The following RBFOX1 variants were observed in gnomAD, a reference collection of about 807,000 sequenced individuals.
RBFOX1 encodes the protein RNA binding fox-1 homolog 1, also known as RNA binding protein fox-1 homolog 1.
Under a neutral mutation model 57.7 loss-of-function variants are expected in RBFOX1, and 8 were observed. That is an observed-to-expected ratio of 0.14 (90% CI 0.08 to 0.25). The LOEUF is 0.25. Among genes scored for constraint, RBFOX1 ranks in the 10% least tolerant of loss-of-function variants. The probability of loss-of-function intolerance (pLI) is 1.00; values close to 1 mark genes in which losing one functional copy is unlikely to be tolerated. For missense variants in RBFOX1, 611 were observed against 548.5 expected, an observed-to-expected ratio of 1.11 and a Z score of -1.14; for synonymous variants, 326 against 222.4, an observed-to-expected ratio of 1.47 and a Z score of -4.15.
intron 2 of RBFOX1, among the ~76,000 whole-genome samples, chr16:6,637,879 G>A (rs984106130): frequency 6.6e-6 from 1 of 152,014 alleles, no homozygotes; most frequent in African/African-American, 2.4e-5. Context: ...TTAGAAAAGT[G>A]GAGACAGTGA....
chr16:5,775,188 G>C (rs1212813769), intron 3 of RBFOX1, among the ~76,000 whole-genome samples: 4 of 152,086 alleles, frequency 2.6e-5, no homozygotes, highest in African/African-American at 9.7e-5. Context: ...GGAGCTTTTG[G>C]AATACCCTAA....
In RBFOX1 at chr16:5,790,733, C is replaced by G. The variant is rs78807481; in HGVS notation, c.319-76570C>G. On this transcript the variant is annotated intron_variant, in intron 3 of 19. Transcript: ENST00000641259. ...AGAGATGAGAGTGAGTGTGGAATGC[C>G]TGGTGCTGGGTGCGTGCTCTGCATC... 8.7e-3 allele frequency among the ~76,000 whole-genome samples: 1,326 copies of G among 152,250 alleles called. 19 individuals carry two copies. Among genetic ancestry groups the G allele is most frequent in the African/African-American group, 0.03 (1,230 of 41,548 alleles).
intron 4 of RBFOX1, among the ~76,000 whole-genome samples, chr16:5,877,676 T>C (rs1476088890): frequency 6.6e-6 from 1 of 152,260 alleles, no homozygotes; most frequent in Non-Finnish European, 1.5e-5. Flanking sequence ...TGAGCAGGGC[T>C]ACCCTGAAGG....
chr16:7,373,863 T>C (rs1278641113), intron 4 of RBFOX1, among the ~76,000 whole-genome samples: 1 of 152,150 alleles, frequency 6.6e-6, no homozygotes, highest in Non-Finnish European at 1.5e-5. Flanking sequence ...CAGCTTCTCG[T>C]GAGAGAGAGT....
intron 2 of RBFOX1, among the ~76,000 whole-genome samples, chr16:6,608,959 C>A (rs1003520302): frequency 6.6e-6 from 1 of 152,106 alleles, no homozygotes; most frequent in Non-Finnish European, 1.5e-5. Context: ...ACAGCCTTTT[C>A]CAAGTTCAAA....
chr16:7,160,019 A>C (rs987388445), intron 4 of RBFOX1, among the ~76,000 whole-genome samples: 4 of 152,184 alleles, frequency 2.6e-5, no homozygotes, highest in African/African-American at 9.6e-5. Context: ...TGACATATCT[A>C]AGCATTATCT....
chr16:5,802,799 G>C lies in RBFOX1; in HGVS notation c.319-64504G>C, dbSNP rs1159686788. ...TATTCACTTATATATTGGTTCATTT[G>C]TTCATCCATCTATACACATATGAAT... On this transcript the variant is annotated intron_variant, in intron 3 of 19. Coordinates refer to the RBFOX1 transcript ENST00000641259. Among the ~76,000 whole-genome samples, 6 of 152,030 alleles carry C rather than the reference G, an allele frequency of 3.9e-5. No individual in the cohort carries two copies. The East Asian group carries it at 1.2e-3, about 29-fold the overall frequency.
intron 2 of RBFOX1, among the ~76,000 whole-genome samples, chr16:6,345,486 C>G (rs1198079446): frequency 6.6e-6 from 1 of 152,156 alleles, no homozygotes; most frequent in East Asian, 1.9e-4. Context: ...TAATGGAAAG[C>G]TGCTTCTCCC....
At position 6,094,268 on chromosome 16, in the gene RBFOX1, C is replaced by T. The variant is rs927174435; in HGVS notation, c.-127+74276C>T. On this transcript the variant is annotated intron_variant, in intron 1 of 15. Transcript: ENST00000550418. The stretch of plus-strand genomic sequence containing the variant: ...TCCTTGCATTTTATCATTCCCTGAG[C>T]CACCGTTCCAAAGGAAGAGAGACCA... 4.6e-5 allele frequency among the ~76,000 whole-genome samples: 7 copies of T among 152,268 alleles called. No individual in the cohort carries two copies. In the East Asian group the frequency reaches 5.8e-4, roughly 13 times the overall value.
chr16:5,495,512 A>T (rs1248191341), intron 2 of RBFOX1, among the ~76,000 whole-genome samples: 2 of 152,214 alleles, frequency 1.3e-5, no homozygotes, highest in African/African-American at 4.8e-5. Context: ...TGGTGGGATC[A>T]CAGAGCCAAT....
chr16:6,506,272 T>C (rs565472553), intron 2 of RBFOX1, among the ~76,000 whole-genome samples: 3 of 151,448 alleles, frequency 2.0e-5, no homozygotes, highest in East Asian at 2.0e-4. Context: ...GGGGAGAGAA[T>C]AGAGTGGGGA....
intron 4 of RBFOX1, among the ~76,000 whole-genome samples, chr16:7,294,262 C>G (rs1206817293): frequency 1.3e-5 from 2 of 152,084 alleles, no homozygotes; most frequent in Non-Finnish European, 2.9e-5. Context: ...TACATTCAGT[C>G]CTGTGCACTG....
chr16:7,470,988 C>T (rs917077593), intron 4 of RBFOX1, among the ~76,000 whole-genome samples: 3 of 151,810 alleles, frequency 2.0e-5, no homozygotes, highest in Admixed American at 2.0e-4. Context: ...CATGATCCTA[C>T]TGCCAAGATA....
At chr16:5,614,490 T>C (rs1001896049) in intron 3 of RBFOX1, among the ~76,000 whole-genome samples, 2 of 152,218 alleles carry the variant, frequency 1.3e-5, no homozygotes, top group African/African-American at 4.8e-5. Context: ...TGGTGCACTT[T>C]AAATGACTTC....
chr16:6,895,461 T>C (rs1464771728), intron 3 of RBFOX1, among the ~76,000 whole-genome samples: 2 of 91,962 alleles, frequency 2.2e-5, no homozygotes, highest in African/African-American at 1.0e-4. Flanking sequence ...TATATATATA[T>C]ATATATATAT....
At chr16:5,790,482 G>C (rs548037934) in intron 3 of RBFOX1, among the ~76,000 whole-genome samples, 54 of 149,632 alleles carry the variant, frequency 3.6e-4, no homozygotes, top group Non-Finnish European at 5.9e-4. Context: ...TACAACTGTT[G>C]ATGAAGATGC....
At chr16:6,545,384 C>G (rs1400456290) in intron 2 of RBFOX1, among the ~76,000 whole-genome samples, 1 of 152,190 alleles carries the variant, frequency 6.6e-6, no homozygotes, top group African/African-American at 2.4e-5. Context: ...TTGCCTTTCT[C>G]TCCAACCCCT....
rs973150515 is a variant in RBFOX1 at position 6,012,191 on chromosome 16, A to T, written c.351+144856A>T. ...TTGGCGACTGTGAGCAAATGTCTTCATTTCTCTAGACCTCATCTGTAGAAT... is the reference window on the plus strand; with the variant it reads ...TTGGCGACTGTGAGCAAATGTCTTCTTTTCTCTAGACCTCATCTGTAGAAT... On this transcript the variant is annotated intron_variant, in intron 4 of 19. Coordinates refer to the RBFOX1 transcript ENST00000641259. Among the ~76,000 whole-genome samples the T allele has an allele frequency of 3.3e-5, 5 of 152,324 alleles. No individual in the cohort carries two copies. In the South Asian group the frequency reaches 1.0e-3, roughly 32 times the overall value.
chr16:6,659,373 G>C, intron 3 of RBFOX1, among the ~76,000 whole-genome samples: 1 of 151,966 alleles, frequency 6.6e-6, no homozygotes, highest in Non-Finnish European at 1.5e-5. Flanking sequence ...CTTTCAGATT[G>C]GGTCCAATTG....
Sources: allele counts gnomAD v4.1 joint callset (sites outside exome capture counted in the v4.1 genomes callset), GRCh38; gene constraint gnomAD v4.1.1; transcripts MANE v1.5; gene names NCBI Gene and HGNC (gene_info 2026-07-23, HGNC 2026-07-21).